Variants in PLA2G2C observed in about 807,000 individuals in gnomAD.
PLA2G2C encodes the protein putative inactive group IIC secretory phospholipase A2.
Under a neutral mutation model 14.3 loss-of-function variants are expected in PLA2G2C, and 15 were observed. That is an observed-to-expected ratio of 1.05 (90% CI 0.70 to 1.62). The LOEUF (loss-of-function observed/expected upper bound fraction) is 1.62, where lower values mean the gene tolerates loss of function less well. PLA2G2C is among the 40% of genes most tolerant of loss of function. PLA2G2C has a pLI of 0.00. For synonymous variants in PLA2G2C, 79 were observed against 67.7 expected, an observed-to-expected ratio of 1.17 and a Z score of -0.82; for missense variants, 162 against 173.2, an observed-to-expected ratio of 0.94 and a Z score of 0.36.
At chr1:20,166,031 C>T (rs577333194) in intron 4 of PLA2G2C, among the ~76,000 whole-genome samples, 1 of 152,334 alleles carries the variant, frequency 6.6e-6, no homozygotes, top group African/African-American at 2.4e-5. Flanking sequence ...CTGTCCCATT[C>T]CTGGGGTGGT....
intron 1 of PLA2G2C, among the ~76,000 whole-genome samples, chr1:20,183,354 G>A (rs1030540504): frequency 2.0e-5 from 3 of 152,172 alleles, no homozygotes; most frequent in Admixed American, 2.0e-4. Context: ...CCAGTGCAAC[G>A]GACAGCACAG....
chr1:20,164,703 A>C (rs1569920878), intron 4 of PLA2G2C, among the ~76,000 whole-genome samples: 1 of 152,046 alleles, frequency 6.6e-6, no homozygotes, highest in African/African-American at 2.4e-5. Context: ...TCACAAGGGA[A>C]CCCTTGATAT....
Position 20,173,617 on chromosome 1 carries a change from C to A in PLA2G2C, c.180-720G>T, listed in dbSNP as rs78305745. Among the ~76,000 whole-genome samples, 707 of 152,248 alleles carry A rather than the reference C, an allele frequency of 4.6e-3. 2 individuals are homozygous for A. The highest frequency in any genetic ancestry group is 7.8e-3 in the Non-Finnish European group (532 of 68,028). ...TGAGGAGACAACTGTCTGTAAAAGC[C>A]GACGTAGTCCCATTCATGGCACCCA... is the stretch of plus-strand genomic sequence containing the variant. On this transcript the variant is annotated intron_variant, in intron 3 of 4. Transcript: ENST00000679259.
intron 1 of PLA2G2C, among the ~76,000 whole-genome samples, chr1:20,179,295 C>T (rs974204820): frequency 1.4e-4 from 19 of 140,664 alleles, no homozygotes; most frequent in South Asian, 4.7e-4. Context: ...TGTGTGTGTG[C>T]GCGCGCACGT....
At chr1:20,167,305 C>T (rs2017995395) in intron 4 of PLA2G2C, among the ~76,000 whole-genome samples, 1 of 152,274 alleles carries the variant, frequency 6.6e-6, no homozygotes, top group East Asian at 1.9e-4. Context: ...ATGTCTGACA[C>T]GTGTCTCAAA....
intron 1 of PLA2G2C, among the ~76,000 whole-genome samples, chr1:20,183,029 T>C (rs2018299193): frequency 6.6e-6 from 1 of 152,152 alleles, no homozygotes; most frequent in African/African-American, 2.4e-5. Context: ...AAAGTAAGCA[T>C]TGTGTGGACA....
chr1:20,177,502 G>A, intron 1 of PLA2G2C, 63 bp from the exon 2 acceptor site: 2 of 559,532 alleles, frequency 3.6e-6, no homozygotes, highest in Non-Finnish European at 6.3e-6. Context: ...CCTAATTGTA[G>A]TGCCTTGGAA....
chr1:20,174,956 G>A (rs2018152867), intron 3 of PLA2G2C, 51 bp downstream of exon 3: 1 of 1,526,884 alleles, frequency 6.5e-7, no homozygotes, highest in South Asian at 1.2e-5. Flanking sequence ...CTTTGAGCAT[G>A]AACTTTAATG....
At chr1:20,178,751 G>A (rs185601188) in intron 1 of PLA2G2C, among the ~76,000 whole-genome samples, 87 of 152,324 alleles carry the variant, frequency 5.7e-4, no homozygotes, top group African/African-American at 1.9e-3. Context: ...CATGAAATCC[G>A]ATAGACTCTT....
intron 2 of PLA2G2C, among the ~76,000 whole-genome samples, chr1:20,175,868 T>A (rs2301479): frequency 0.11 from 16,959 of 152,026 alleles, 1,039 homozygotes; most frequent in Middle Eastern, 0.17. Flanking sequence ...ACGTCTCCGC[T>A]GTCTCATGTC....
intron 3 of PLA2G2C, 34 bp downstream of exon 3, chr1:20,174,972 CA>C (rs781022929): frequency 1.3e-6 from 2 of 1,571,518 alleles, no homozygotes; most frequent in Admixed American, 1.9e-5. Flanking sequence ...TAATGCAAAA[CA>C]AATGATAAGT....
intron 2 of PLA2G2C, among the ~76,000 whole-genome samples, chr1:20,176,586 CA>C (rs2018188207): frequency 6.6e-6 from 1 of 152,212 alleles, no homozygotes; most frequent in South Asian, 2.1e-4. Context: ...CCTGGAGCCG[CA>C]CTGAGGGGCT....
In PLA2G2C at chr1:20,166,615, G is replaced by A. The variant is rs115203223; in HGVS notation, c.284-2458C>T. Among the ~76,000 whole-genome samples the A allele has an allele frequency of 8.0e-3, 1,210 of 152,168 alleles. 15 individuals are homozygous for A. Among genetic ancestry groups the A allele is most frequent in the African/African-American group, 0.027 (1,113 of 41,510 alleles). ...ACCTTCCTCAGCCACCTTCTTTCTC[G>A]TCCCTCTCTCTTTCTGTTGGTCTCA... On this transcript the variant is annotated intron_variant, in intron 4 of 4. Transcript: ENST00000679259.
intron 4 of PLA2G2C, among the ~76,000 whole-genome samples, chr1:20,168,748 T>C (rs2018020865): frequency 1.3e-5 from 2 of 152,170 alleles, no homozygotes; most frequent in Non-Finnish European, 2.9e-5. Flanking sequence ...CCACACCGGG[T>C]CCTCCCTGTA....
At chr1:20,172,311 T>TTA (rs1241833629) in intron 4 of PLA2G2C, among the ~76,000 whole-genome samples, 1 of 152,082 alleles carries the variant, frequency 6.6e-6, no homozygotes, top group African/African-American at 2.4e-5. Flanking sequence ...GCTCCTTGAA[T>TTA]GGTCTCAGTA....
Position 20,177,438 on chromosome 1 carries a change from C to T in PLA2G2C, c.-75G>A, listed in dbSNP as rs2018207301. ...TGTGTGAGGGGTCTCCCAGCTGAAC[C>T]TCTGTTCCAGGACAAAATGACCAAA... On this transcript the variant is annotated splice_region_variant and 5_prime_UTR_variant, in exon 2 of 5. Transcript: ENST00000679259. 1.6e-6 allele frequency: 1 copy of T among 607,026 alleles called. No individual in the cohort carries two copies. The highest frequency in any genetic ancestry group is 1.9e-5 in the South Asian group (1 of 51,866). The allele number at this position is 607,026 out of a possible 1,614,324, so 37.6% of individuals were successfully genotyped here.
At chr1:20,175,462 C>T (rs2018167319) in intron 2 of PLA2G2C, among the ~76,000 whole-genome samples, 6 of 152,214 alleles carry the variant, frequency 3.9e-5, no homozygotes, top group Admixed American at 3.3e-4. Flanking sequence ...GCAGAACACC[C>T]TCGGGTCTGA....
In PLA2G2C at chr1:20,170,755, T is replaced by G. The variant is rs1422492027; in HGVS notation, c.283+2039A>C. On this transcript the variant is annotated intron_variant, in intron 4 of 4. Transcript: ENST00000679259. ...GAAGCCTCCTCCCACGCTAGTGCCC[T>G]GAGCAAGGCTCTGGACTCAGGAGCC... Among the ~76,000 whole-genome samples the G allele has an allele frequency of 2.8e-5, 4 of 143,760 alleles. 1 individual carries two copies. The highest frequency in any genetic ancestry group is 6.1e-5 in the Non-Finnish European group (4 of 65,410). The allele number at this position is 143,760 out of a possible 152,430, so 94.3% of individuals were successfully genotyped here.
chr1:20,178,478 A>G (rs1013400389), intron 1 of PLA2G2C, among the ~76,000 whole-genome samples: 2 of 152,164 alleles, frequency 1.3e-5, no homozygotes, highest in Admixed American at 6.5e-5. Flanking sequence ...TGTCTTTGCT[A>G]TCTTCCCCCT....
Sources: gnomAD v4.1 joint callset for allele counts (sites outside exome capture counted in the v4.1 genomes callset) on GRCh38, gnomAD v4.1.1 for gene constraint, MANE v1.5 for transcripts, NCBI Gene and HGNC (gene_info 2026-07-23, HGNC 2026-07-21) for gene names.